Variants in LYRM4 observed in about 807,000 individuals in gnomAD.
The protein encoded by LYRM4 is LYR motif-containing protein 4.
LYRM4 carries 9 observed loss-of-function variants against 11.7 expected under a neutral mutation model. The observed-to-expected ratio is 0.77, with a 90% CI of 0.46 to 1.34. The LOEUF (loss-of-function observed/expected upper bound fraction) is 1.34, where lower values mean the gene tolerates loss of function less well. LYRM4 is among the 40% of genes most tolerant of loss of function. The pLI is 0.00. For synonymous variants in LYRM4, 42 were observed against 40.4 expected (o/e 1.04, Z -0.15); for missense variants, 133 against 112.5 (o/e 1.18, Z -0.82).
At chr6:5,184,245 C>T (rs940926481) in intron 2 of LYRM4, among the ~76,000 whole-genome samples, 4 of 151,902 alleles carry the variant, frequency 2.6e-5, no homozygotes, top group Non-Finnish European at 4.4e-5. Flanking sequence ...ATAAATAAAC[C>T]CCAACAATCT....
the LYRM4 span, among the ~76,000 whole-genome samples, chr6:5,046,152 C>CTT: frequency 1.4e-5 from 2 of 146,854 alleles, no homozygotes; most frequent in Non-Finnish European, 1.5e-5. Context: ...TAATATTCCA[C>CTT]TTTTTTTTTT....
intron 1 of LYRM4, among the ~76,000 whole-genome samples, chr6:5,237,337 A>G (rs1025126547): frequency 2.6e-5 from 4 of 151,364 alleles, no homozygotes; most frequent in African/African-American, 4.9e-5. Context: ...TAGGTTGTGC[A>G]CTCCCTATGA....
intron 1 of LYRM4, among the ~76,000 whole-genome samples, chr6:5,248,011 T>C (rs1451467266): frequency 6.6e-6 from 1 of 152,206 alleles, no homozygotes; most frequent in Non-Finnish European, 1.5e-5. Flanking sequence ...TCCAGGTACC[T>C]GCTTTAAGAT....
At chr6:5,081,430 C>T in the LYRM4 span, among the ~76,000 whole-genome samples, 2 of 152,304 alleles carry the variant, frequency 1.3e-5, no homozygotes, top group African/African-American at 2.4e-5. Flanking sequence ...GGGTGCACAC[C>T]GTTTCTGCTT....
chr6:5,041,374 T>A, the LYRM4 span, among the ~76,000 whole-genome samples: 6 of 152,208 alleles, frequency 3.9e-5, no homozygotes, highest in Non-Finnish European at 8.8e-5. Context: ...TCCGTTTGGT[T>A]TTTTGTAAAG....
intron 2 of LYRM4, 126 bp from the exon 3 acceptor site, chr6:5,109,617 A>G (rs926537554): frequency 1.1e-6 from 1 of 919,168 alleles, no homozygotes; most frequent in Non-Finnish European, 1.7e-6. Flanking sequence ...CCCTTCCGGC[A>G]ACTGCACTGC....
chr6:5,257,886 A>T (rs1764756966), intron 1 of LYRM4, among the ~76,000 whole-genome samples: 1 of 152,176 alleles, frequency 6.6e-6, no homozygotes, highest in Non-Finnish European at 1.5e-5. Context: ...GATGTTTTGT[A>T]GAAGCACTGA....
chr6:5,085,753 G>A, the LYRM4 span: 13 of 1,537,830 alleles, frequency 8.5e-6, no homozygotes, highest in Non-Finnish European at 1.1e-5. Flanking sequence ...CTTGCCCGCC[G>A]ACCCCATCTT....
the LYRM4 span, among the ~76,000 whole-genome samples, chr6:5,039,657 C>T: frequency 2.0e-5 from 3 of 152,176 alleles, no homozygotes; most frequent in East Asian, 5.8e-4. Context: ...TAATAAAAAT[C>T]GGAAACAGAG....
chr6:5,195,978 G>A (rs1761030871), intron 2 of LYRM4, among the ~76,000 whole-genome samples: 1 of 152,168 alleles, frequency 6.6e-6, no homozygotes, highest in African/African-American at 2.4e-5. Flanking sequence ...CCCTTATATT[G>A]CACTTAGTAT....
At chr6:5,229,904 G>A (rs1763131639) in intron 1 of LYRM4, among the ~76,000 whole-genome samples, 1 of 152,112 alleles carries the variant, frequency 6.6e-6, no homozygotes, top group Non-Finnish European at 1.5e-5. Flanking sequence ...CGTCCTTTCT[G>A]GTGCTTAATA....
At chr6:5,206,061 C>T (rs1761679124) in intron 2 of LYRM4, among the ~76,000 whole-genome samples, 2 of 152,238 alleles carry the variant, frequency 1.3e-5, no homozygotes, top group Non-Finnish European at 2.9e-5. Context: ...AGAAAACACA[C>T]TTGCTGGGAG....
At chr6:5,086,525 A>G in the LYRM4 span, 1 of 1,533,360 alleles carries the variant, frequency 6.5e-7, no homozygotes. Context: ...GGCGCCAACT[A>G]CACGCTGCGC....
chr6:5,149,752 T>G (rs1220509196), intron 2 of LYRM4, among the ~76,000 whole-genome samples: 6 of 152,124 alleles, frequency 3.9e-5, no homozygotes, highest in African/African-American at 1.4e-4. Flanking sequence ...ATATATACAT[T>G]ATTTAGATAC....
At chr6:5,245,361 C>T (rs573403471) in intron 1 of LYRM4, among the ~76,000 whole-genome samples, 61 of 151,684 alleles carry the variant, frequency 4.0e-4, no homozygotes, top group Admixed American at 2.1e-3. Context: ...TGTTAATAAG[C>T]AGCACACACA....
the LYRM4 span, among the ~76,000 whole-genome samples, chr6:5,090,742 C>G: frequency 4.6e-5 from 7 of 152,178 alleles, no homozygotes; most frequent in African/African-American, 1.7e-4. This position sits in a 1 kb window ranked among gnomAD's most constrained non-coding sequence, Gnocchi z 4.8. Context: ...CCGCCCACAG[C>G]CTTCCTGCTC....
intron 2 of LYRM4, among the ~76,000 whole-genome samples, chr6:5,189,298 G>C (rs1760613556): frequency 6.6e-6 from 1 of 151,732 alleles, no homozygotes; most frequent in Non-Finnish European, 1.5e-5. Context: ...TTAGCCTAAG[G>C]TTAGTGGTGA....
At chr6:5,150,879 C>T (rs1323573288) in intron 2 of LYRM4, among the ~76,000 whole-genome samples, 1 of 152,154 alleles carries the variant, frequency 6.6e-6, no homozygotes, top group Non-Finnish European at 1.5e-5. Flanking sequence ...TCTGATGACA[C>T]AGCCTTTATG....
the LYRM4 span, among the ~76,000 whole-genome samples, chr6:5,040,064 A>G: frequency 0.73 from 111,053 of 152,112 alleles, 41,326 homozygotes; most frequent in East Asian, 0.95. Flanking sequence ...AGAAAATCTT[A>G]AAACATATCC....
Sources: allele counts gnomAD v4.1 joint callset (sites outside exome capture counted in the v4.1 genomes callset), GRCh38; gene constraint gnomAD v4.1.1; non-coding constraint Gnocchi (gnomAD v3.1); transcripts MANE v1.5; gene names NCBI Gene and HGNC (gene_info 2026-07-23, HGNC 2026-07-21).